The following ADAMTSL1 variants were observed in gnomAD, a reference collection of about 807,000 sequenced individuals.
ADAMTSL1 encodes the protein ADAMTS like 1.
ADAMTSL1 carries 126 observed loss-of-function variants against 201.8 expected under a neutral mutation model. The ratio of observed to expected loss-of-function variants is 0.62; its 90% CI spans 0.54 to 0.72. The LOEUF is 0.72. Among genes scored for constraint, ADAMTSL1 ranks in the 30% least tolerant of loss-of-function variants. ADAMTSL1 has a pLI of 0.00. For missense variants in ADAMTSL1, 2,679 were observed against 2,277.8 expected, an observed-to-expected ratio of 1.18 and a Z score of -3.59; for synonymous variants, 1,121 against 903.4, an observed-to-expected ratio of 1.24 and a Z score of -4.32.
At chr9:17,937,087 T>G (rs1827039345) in intron 1 of ADAMTSL1, among the ~76,000 whole-genome samples, 1 of 152,144 alleles carries the variant, frequency 6.6e-6, no homozygotes, top group African/African-American at 2.4e-5. Flanking sequence ...TCTGCTGTTG[T>G]TGGTGCCTCA....
chr9:18,301,132 T>C (rs1833694237), intron 2 of ADAMTSL1, among the ~76,000 whole-genome samples: 1 of 152,170 alleles, frequency 6.6e-6, no homozygotes, highest in Non-Finnish European at 1.5e-5. Context: ...CAAGATACTT[T>C]TAATTGTAAG....
At chr9:17,914,829 G>A (rs1448501958) in intron 1 of ADAMTSL1, among the ~76,000 whole-genome samples, 1 of 151,966 alleles carries the variant, frequency 6.6e-6, no homozygotes, top group Non-Finnish European at 1.5e-5. Flanking sequence ...CAAAGTCTCA[G>A]GATACAAAAT....
chr9:18,808,490 C>G (rs903138620), intron 20 of ADAMTSL1, among the ~76,000 whole-genome samples: 3 of 152,130 alleles, frequency 2.0e-5, no homozygotes, highest in Non-Finnish European at 2.9e-5. Flanking sequence ...TACTTTCCAG[C>G]AAAAACTCAA....
intron 9 of ADAMTSL1, among the ~76,000 whole-genome samples, chr9:18,671,432 G>T (rs958642952): frequency 2.6e-5 from 4 of 152,208 alleles, no homozygotes; most frequent in African/African-American, 7.2e-5. Context: ...CCAAACTTGT[G>T]TCAGGAGGAG....
At chr9:18,206,816 C>T (rs1237735162) in intron 2 of ADAMTSL1, among the ~76,000 whole-genome samples, 2 of 152,156 alleles carry the variant, frequency 1.3e-5, no homozygotes, top group Admixed American at 1.3e-4. Context: ...CTAGAAATCT[C>T]TTGACCCGGA....
intron 2 of ADAMTSL1, among the ~76,000 whole-genome samples, chr9:18,295,523 AGAGATG>A (rs1833443554): frequency 6.6e-6 from 1 of 152,078 alleles, no homozygotes; most frequent in Admixed American, 6.6e-5. Flanking sequence ...TATTTTTAGT[AGAGATG>A]GAGTTTCACC....
At chr9:18,342,774 A>G (rs1259031649) in intron 2 of ADAMTSL1, among the ~76,000 whole-genome samples, 1 of 152,122 alleles carries the variant, frequency 6.6e-6, no homozygotes, top group Non-Finnish European at 1.5e-5. Context: ...GCTTTAAGTT[A>G]TAATATTTAA....
intron 2 of ADAMTSL1, among the ~76,000 whole-genome samples, chr9:18,317,302 T>C (rs1009307246): frequency 2.0e-5 from 3 of 152,028 alleles, no homozygotes; most frequent in African/African-American, 7.2e-5. Context: ...CAACAAGTTC[T>C]GGGGGTCGAA....
At position 18,889,705 on chromosome 9, in the gene ADAMTSL1, G is replaced by A. The variant is rs771638994; in HGVS notation, c.4600G>A (p.Ala1534Thr). 4 of 1,575,392 alleles carry A rather than the reference G, an allele frequency of 2.5e-6. No homozygotes were observed. The highest frequency in any genetic ancestry group is 1.4e-5 in the African/African-American group (1 of 73,242). ...PAHCAGKVRP[A>T]VQPIACNRRD... ...CCACTGCGCAGGGAAGGTTCGCCCT[G>A]CGGTGCAGCCCATCGCGTGCAACCG... is the stretch of plus-strand genomic sequence containing the variant. Residue 1534 changes from alanine (A) to threonine (T), a missense_variant, in exon 25 of 29, where the codon GCG becomes ACG. By Grantham distance (58) the Ala-to-Thr change is moderately conservative. Coordinates refer to ENST00000380548, the MANE Select transcript of ADAMTSL1 (RefSeq NM_001040272.6).
At chr9:18,783,224 T>C (rs1251630018) in intron 19 of ADAMTSL1, among the ~76,000 whole-genome samples, 1 of 152,202 alleles carries the variant, frequency 6.6e-6, no homozygotes, top group East Asian at 1.9e-4. Context: ...CTTCAAGTGC[T>C]GGTGTAGGAT....
chr9:18,715,040 A>ATTCAACATCCC (rs71333064), intron 14 of ADAMTSL1, among the ~76,000 whole-genome samples: 1 of 34,606 alleles, frequency 2.9e-5, no homozygotes, highest in East Asian at 1.0e-3. Context: ...CTTTGACAAA[A>ATTCAACATCCC]TTCATGCTAA....
At chr9:18,788,304 G>A (rs908534357) in intron 19 of ADAMTSL1, among the ~76,000 whole-genome samples, 1 of 152,090 alleles carries the variant, frequency 6.6e-6, no homozygotes, top group Admixed American at 6.5e-5. Flanking sequence ...CCGTTTGAAA[G>A]TATCTAAAAT....
chr9:18,889,858 C>T, intron 25 of ADAMTSL1, 110 bp downstream of exon 25: 1 of 1,124,322 alleles, frequency 8.9e-7, no homozygotes, highest in Non-Finnish European at 1.2e-6. Context: ...GAGATGCCAG[C>T]CAAGGAGCTG....
At chr9:18,342,726 A>T (rs1470205131) in intron 2 of ADAMTSL1, among the ~76,000 whole-genome samples, 2 of 152,098 alleles carry the variant, frequency 1.3e-5, no homozygotes, top group Non-Finnish European at 2.9e-5. Context: ...GAGACCTTTG[A>T]AAATCTGTAC....
intron 13 of ADAMTSL1, chr9:18,685,041 T>C: frequency 2.6e-6 from 3 of 1,141,538 alleles, no homozygotes; most frequent in Non-Finnish European, 3.3e-6. Context: ...CTTACCCTCT[T>C]CTCCAAAATC....
Position 18,128,854 on chromosome 9 carries a change from G to A in ADAMTSL1, c.88-35008G>A, listed in dbSNP as rs186929278. Reference sequence around the variant, plus strand: ...CCTTATAAACAATAGCAGAAAGAAGGTGGCCATAGAAGGCTTTTGTATATC... The same window carrying A: ...CCTTATAAACAATAGCAGAAAGAAGATGGCCATAGAAGGCTTTTGTATATC... On this transcript the variant is annotated intron_variant, in intron 1 of 29. Coordinates refer to the ADAMTSL1 transcript ENST00000680146. Among the ~76,000 whole-genome samples, 175 of 152,192 alleles carry A rather than the reference G, an allele frequency of 1.1e-3. 1 individual carries two copies. Among genetic ancestry groups the A allele is most frequent in the African/African-American group, 3.9e-3 (164 of 41,530 alleles).
intron 4 of ADAMTSL1, among the ~76,000 whole-genome samples, chr9:18,606,767 C>G (rs1209981603): frequency 6.6e-6 from 1 of 152,152 alleles, no homozygotes; most frequent in Non-Finnish European, 1.5e-5. Context: ...ATTCCTTCCC[C>G]CCCAGTTTTC....
chr9:18,308,593 A>G (rs1434486042), intron 2 of ADAMTSL1, among the ~76,000 whole-genome samples: 1 of 150,780 alleles, frequency 6.6e-6, no homozygotes, highest in African/African-American at 2.5e-5. Context: ...TGAAGAAGAA[A>G]TGGATACATT....
chr9:18,427,489 A>G (rs1819278262), intron 2 of ADAMTSL1, among the ~76,000 whole-genome samples: 1 of 152,280 alleles, frequency 6.6e-6, no homozygotes, highest in African/African-American at 2.4e-5. Context: ...CAGATATTAT[A>G]GGAAGTTGAT....
Sources: allele counts gnomAD v4.1 joint callset (sites outside exome capture counted in the v4.1 genomes callset), GRCh38; gene constraint gnomAD v4.1.1; transcripts MANE v1.5; gene names NCBI Gene and HGNC (gene_info 2026-07-23, HGNC 2026-07-21).